Variants in TPTE observed in about 807,000 individuals in gnomAD.
The protein encoded by TPTE is transmembrane phosphatase with tensin homology, also known as putative tyrosine-protein phosphatase TPTE.
In TPTE, 59 loss-of-function variants were observed where a neutral mutation model predicts 84.1. The ratio of observed to expected loss-of-function variants is 0.70; its 90% CI spans 0.57 to 0.87. TPTE has a LOEUF of 0.87. Among genes scored for constraint, TPTE ranks in the 40% least tolerant of loss-of-function variants. TPTE has a pLI of 0.00. For synonymous variants in TPTE, 130 were observed against 223.5 expected (o/e 0.58, Z 3.73); for missense variants, 382 against 659.6 (o/e 0.58, Z 4.61).
intron 7 of TPTE, among the ~76,000 whole-genome samples, chr21:10,545,188 A>T (rs2074442616): frequency 6.6e-6 from 1 of 152,260 alleles, no homozygotes; most frequent in Non-Finnish European, 1.5e-5. Context: ...ATGATGGGTG[A>T]AATTTCAAAA....
At chr21:10,591,212 C>T (rs2075470054) in intron 18 of TPTE, among the ~76,000 whole-genome samples, 1 of 152,424 alleles carries the variant, frequency 6.6e-6, no homozygotes, top group South Asian at 2.1e-4. Flanking sequence ...GGGCTGTTTC[C>T]ACTTAAAGCA....
chr21:10,588,261 G>A (rs1449369349), intron 17 of TPTE, among the ~76,000 whole-genome samples: 2 of 152,246 alleles, frequency 1.3e-5, no homozygotes, highest in African/African-American at 4.8e-5. Flanking sequence ...TGCATCTATT[G>A]AGATGATCAT....
At chr21:10,549,637 C>CA (rs1364578117) in intron 7 of TPTE, among the ~76,000 whole-genome samples, 1 of 152,024 alleles carries the variant, frequency 6.6e-6, no homozygotes, top group African/African-American at 2.4e-5. Flanking sequence ...TGAAATAACA[C>CA]AGACAGGCAA....
intron 10 of TPTE, among the ~76,000 whole-genome samples, chr21:10,567,419 C>G (rs1480919853): frequency 6.6e-6 from 1 of 152,312 alleles, no homozygotes; most frequent in African/African-American, 2.4e-5. Flanking sequence ...AGTTATATCT[C>G]TTATTATGTT....
chr21:10,523,478 G>A (rs1292013078), intron 1 of TPTE, among the ~76,000 whole-genome samples: 6 of 131,760 alleles, frequency 4.6e-5, no homozygotes, highest in Middle Eastern at 5.6e-3. Context: ...AGTCCCCAGA[G>A]TGTGATGTTC....
chr21:10,544,439 C>T (rs1342079098), intron 7 of TPTE, among the ~76,000 whole-genome samples: 1 of 152,308 alleles, frequency 6.6e-6, no homozygotes, highest in African/African-American at 2.4e-5. Context: ...AGCTGGCGTG[C>T]AGTGGCGTGA....
chr21:10,541,058 G>A lies in TPTE; in HGVS notation c.12-54G>A, dbSNP rs1002177896. Reference sequence around the variant, plus strand: ...CATAGACTAACTGTAGCTATTTGTTGCAAAACATTAGAATTACGCATTGGG... The same window carrying A: ...CATAGACTAACTGTAGCTATTTGTTACAAAACATTAGAATTACGCATTGGG... On this transcript the variant is annotated intron_variant, in intron 4 of 23. Coordinates refer to ENST00000618007, the MANE Select transcript of TPTE (RefSeq NM_199261.4). 1.1e-5 allele frequency: 18 copies of A among 1,608,850 alleles called. No individual in the cohort carries two copies. The African/African-American group carries it at 2.0e-4, about 18-fold the overall frequency.
intron 4 of TPTE, among the ~76,000 whole-genome samples, chr21:10,540,513 T>C (rs1744676220): frequency 6.6e-6 from 1 of 152,256 alleles, no homozygotes; most frequent in Non-Finnish European, 1.5e-5. Flanking sequence ...AAGCGAATCC[T>C]GCTTGCAGGG....
chr21:10,600,154 T>TTC (rs2075662626), intron 21 of TPTE, among the ~76,000 whole-genome samples: 1 of 152,274 alleles, frequency 6.6e-6, no homozygotes. Context: ...TTTTTTTTTT[T>TTC]TTGAGACGGA....
At chr21:10,570,332 G>T (rs2075016489) in intron 13 of TPTE, among the ~76,000 whole-genome samples, 153 bp from the exon 14 acceptor site, 1 of 152,306 alleles carries the variant, frequency 6.6e-6, no homozygotes, top group African/African-American at 2.4e-5. Context: ...TATGTTATTT[G>T]ATTATCCTGA....
chr21:10,548,876 C>T (rs1480631845), intron 7 of TPTE, among the ~76,000 whole-genome samples: 1 of 152,308 alleles, frequency 6.6e-6, no homozygotes, highest in Non-Finnish European at 1.5e-5. Context: ...AACTGTCCTG[C>T]AAAGCACATC....
chr21:10,605,689 T>G lies in TPTE; in HGVS notation c.*137T>G, dbSNP rs1979228682. 7.0e-7 allele frequency: 1 copy of G among 1,426,592 alleles called. No individual in the cohort carries two copies. The highest frequency in any genetic ancestry group is 1.4e-5 in the African/African-American group (1 of 68,966). 88.4% of individuals were successfully genotyped at this position (1,426,592 alleles called of 1,614,324 possible). A position where few individuals can be genotyped will look rare whatever the true frequency, so the allele number is the denominator to read the frequency against. ...TATATATGTTTATATATGTTCTTCA[T>G]AAATCTATTACATATATATAGATAA... On this transcript the variant is annotated 3_prime_UTR_variant, in exon 24 of 24. Transcript: ENST00000618007.
At chr21:10,522,931 T>C (rs1406685805) in intron 1 of TPTE, among the ~76,000 whole-genome samples, 7 of 152,254 alleles carry the variant, frequency 4.6e-5, no homozygotes, top group African/African-American at 1.7e-4. Flanking sequence ...TGTTCATCTA[T>C]TTGTTTTCTC....
chr21:10,548,532 C>T (rs1335257488), intron 7 of TPTE, among the ~76,000 whole-genome samples: 1 of 152,308 alleles, frequency 6.6e-6, no homozygotes, highest in Non-Finnish European at 1.5e-5. Context: ...CCCAGGCCAG[C>T]TGAGCAGCAG....
chr21:10,546,478 T>A (rs1367883023), intron 7 of TPTE, among the ~76,000 whole-genome samples: 1 of 152,312 alleles, frequency 6.6e-6, no homozygotes, highest in Non-Finnish European at 1.5e-5. Context: ...TCTCTCACTT[T>A]AAACCAAAAG....
chr21:10,582,684 T>G (rs200878767), intron 17 of TPTE, among the ~76,000 whole-genome samples: 2,167 of 145,912 alleles, frequency 0.015, no homozygotes, highest in South Asian at 0.061. Flanking sequence ...GAATCTCTTT[T>G]TTTCTATTAC....
chr21:10,579,537 C>T (rs570569458), intron 17 of TPTE, among the ~76,000 whole-genome samples: 21 of 152,310 alleles, frequency 1.4e-4, no homozygotes, highest in African/African-American at 4.8e-4. Context: ...CTTCACAATC[C>T]CCCAAGTTTT....
At chr21:10,557,432 C>T (rs1228305483) in intron 8 of TPTE, among the ~76,000 whole-genome samples, 76 of 152,396 alleles carry the variant, frequency 5.0e-4, no homozygotes, top group Non-Finnish European at 5.1e-4. Context: ...GCCACTTCTT[C>T]ATGCCTTCAT....
intron 3 of TPTE, among the ~76,000 whole-genome samples, chr21:10,532,880 CAG>C: frequency 6.6e-6 from 1 of 152,418 alleles, no homozygotes; most frequent in South Asian, 2.1e-4. Flanking sequence ...CTTTATGGTA[CAG>C]AGAGCTATGA....
Sources: gnomAD v4.1 joint callset for allele counts (sites outside exome capture counted in the v4.1 genomes callset) on GRCh38, gnomAD v4.1.1 for gene constraint, MANE v1.5 for transcripts, NCBI Gene and HGNC (gene_info 2026-07-23, HGNC 2026-07-21) for gene names.